Variants in EPS15 observed in about 807,000 individuals in gnomAD.
EPS15 encodes epidermal growth factor receptor pathway substrate 15.
A neutral mutation model predicts 113.8 loss-of-function variants in EPS15; 72 were observed. The observed-to-expected ratio is 0.63, with a 90% CI of 0.52 to 0.77. The LOEUF (loss-of-function observed/expected upper bound fraction) is 0.77, where lower values mean the gene tolerates loss of function less well. Among genes scored for constraint, EPS15 ranks in the 30% least tolerant of loss-of-function variants. The probability of loss-of-function intolerance (pLI) is 0.00; values close to 1 mark genes in which losing one functional copy is unlikely to be tolerated. For missense variants in EPS15, 1,048 were observed against 1,045.8 expected (o/e 1.00, Z -0.03); for synonymous variants, 344 against 363.4 (o/e 0.95, Z 0.61).
chr1:51,485,917 C>A (rs1644112756), intron 1 of EPS15, among the ~76,000 whole-genome samples: 1 of 152,006 alleles, frequency 6.6e-6, no homozygotes, highest in African/African-American at 2.4e-5. Context: ...CATGCCTCAG[C>A]CTCCCAAGTA....
chr1:51,496,467 A>G (rs1177970700), intron 1 of EPS15, among the ~76,000 whole-genome samples: 2 of 152,204 alleles, frequency 1.3e-5, no homozygotes, highest in Non-Finnish European at 2.9e-5. Flanking sequence ...AAGCATTACC[A>G]AAATGAATAG....
chr1:51,518,936 G>A (rs1005227027), intron 1 of EPS15, among the ~76,000 whole-genome samples: 2 of 151,340 alleles, frequency 1.3e-5, no homozygotes, highest in African/African-American at 4.8e-5. Flanking sequence ...CGGCAGCGGC[G>A]CGGAGGGCGG....
At chr1:51,414,055 C>T (rs1363735943) in intron 13 of EPS15, among the ~76,000 whole-genome samples, 1 of 151,924 alleles carries the variant, frequency 6.6e-6, no homozygotes, top group African/African-American at 2.4e-5. Flanking sequence ...TGGTCTAGTT[C>T]AGCTATAAAA....
At chr1:51,419,037 G>C (rs1303871465) in intron 13 of EPS15, among the ~76,000 whole-genome samples, 1 of 152,062 alleles carries the variant, frequency 6.6e-6, no homozygotes, top group Non-Finnish European at 1.5e-5. Context: ...TCATACATAG[G>C]CAATTCTTTA....
intron 2 of EPS15, among the ~76,000 whole-genome samples, chr1:51,475,776 T>A (rs568019617): frequency 5.3e-4 from 81 of 152,324 alleles, no homozygotes; most frequent in African/African-American, 1.8e-3. Context: ...CTGAATGGTA[T>A]TGCCTAGGTT....
chr1:51,435,181 T>C (rs1652046072), intron 12 of EPS15, among the ~76,000 whole-genome samples: 1 of 151,878 alleles, frequency 6.6e-6, no homozygotes. Flanking sequence ...TCCTTTTCTT[T>C]TTCTTTTTTC....
chr1:51,499,898 TC>T (rs369043216), intron 1 of EPS15, among the ~76,000 whole-genome samples: 1 of 152,340 alleles, frequency 6.6e-6, no homozygotes, highest in African/African-American at 2.4e-5. Context: ...ACTATCCATT[TC>T]CACAACTTTT....
chr1:51,422,470 A>G lies in EPS15; in HGVS notation c.1041-612T>C, dbSNP rs141103298. ...ATATCAAATCCAATTGATCAAATAT[A>G]CAAACAGTATATATAAAGTAAAAAA... On this transcript the variant is annotated intron_variant, in intron 12 of 24. Coordinates refer to ENST00000371733, the MANE Select transcript of EPS15 (RefSeq NM_001981.3). 3.8e-3 allele frequency among the ~76,000 whole-genome samples: 586 copies of G among 152,372 alleles called. 1 individual carries two copies. The highest frequency in any genetic ancestry group is 6.2e-3 in the Non-Finnish European group (424 of 68,036).
chr1:51,468,399 A>T, intron 5 of EPS15, 74 bp downstream of exon 5: 1 of 1,093,420 alleles, frequency 9.1e-7, no homozygotes, highest in Non-Finnish European at 1.4e-6. Flanking sequence ...TTAATATATT[A>T]CTTTTAATTT....
At position 51,381,471 on chromosome 1, in the gene EPS15, T is replaced by C. The variant is rs556932517; in HGVS notation, c.2119+12910A>G. On this transcript the variant is annotated intron_variant, in intron 21 of 24. Coordinates refer to ENST00000371733, the MANE Select transcript of EPS15 (RefSeq NM_001981.3). ...ACACGGGCGTGGTGGTGGGCGCCTA[T>C]AGTCCCAGCTACTTGTGAGGCTGAG... Among the ~76,000 whole-genome samples the C allele has an allele frequency of 1.3e-4, 20 of 152,158 alleles. No individual in the cohort carries two copies. In the South Asian group the frequency reaches 3.1e-3, roughly 24 times the overall value.
intron 1 of EPS15, among the ~76,000 whole-genome samples, chr1:51,513,105 A>T (rs1644655092): frequency 6.6e-6 from 1 of 152,142 alleles, no homozygotes; most frequent in African/African-American, 2.4e-5. Context: ...CACTGGAATT[A>T]TAGGCCTGAG....
chr1:51,504,152 C>T (rs28760030), intron 1 of EPS15, among the ~76,000 whole-genome samples: 9,556 of 152,196 alleles, frequency 0.063, 526 homozygotes, highest in African/African-American at 0.15. Flanking sequence ...CTTATGTCAG[C>T]CTGTAATCCC....
At position 51,365,942 on chromosome 1, in the gene EPS15, C is replaced by T. The variant is rs762733771; in HGVS notation, c.2196+11G>A. ...GTATGTTTTCCCTTCCCATTAATTA[C>T]TGTAGATTACCTTTGACAATGTGCT... On this transcript the variant is annotated intron_variant, in intron 22 of 24. Coordinates refer to ENST00000371733, the MANE Select transcript of EPS15 (RefSeq NM_001981.3). 1.3e-6 allele frequency: 2 copies of T among 1,570,008 alleles called. No homozygotes were observed. Among genetic ancestry groups the T allele is most frequent in the East Asian group, 2.3e-5 (1 of 44,344 alleles).
intron 12 of EPS15, among the ~76,000 whole-genome samples, chr1:51,439,551 T>C (rs979011511): frequency 1.3e-5 from 2 of 152,120 alleles, no homozygotes; most frequent in African/African-American, 2.4e-5. Flanking sequence ...ATCTCACTTT[T>C]AAAAAGTAAT....
intron 14 of EPS15, among the ~76,000 whole-genome samples, chr1:51,409,325 G>A (rs895470671): frequency 2.0e-5 from 3 of 152,118 alleles, no homozygotes; most frequent in Non-Finnish European, 4.4e-5. Flanking sequence ...CAAAAATTTG[G>A]AAAAACAGTT....
intron 11 of EPS15, among the ~76,000 whole-genome samples, chr1:51,442,244 T>C (rs1043376437): frequency 3.3e-5 from 5 of 152,108 alleles, no homozygotes; most frequent in Non-Finnish European, 5.9e-5. Flanking sequence ...CTAAACAAAA[T>C]GAAACATTAG....
intron 13 of EPS15, among the ~76,000 whole-genome samples, chr1:51,413,441 AT>A (rs1397643811): frequency 6.6e-6 from 1 of 152,214 alleles, no homozygotes; most frequent in African/African-American, 2.4e-5. Context: ...TAATTAAGCA[AT>A]TACTGTAACT....
chr1:51,397,920 A>AT (rs1480411336), intron 20 of EPS15, among the ~76,000 whole-genome samples: 7 of 152,222 alleles, frequency 4.6e-5, no homozygotes. Flanking sequence ...CAAAATACAA[A>AT]TTAAAAAGCA....
chr1:51,497,308 A>C (rs1296495141), intron 1 of EPS15, among the ~76,000 whole-genome samples: 8 of 152,262 alleles, frequency 5.3e-5, no homozygotes. Flanking sequence ...CATTTTAAGA[A>C]GCAGAAAAAT....
Sources: gnomAD v4.1 joint callset for allele counts (sites outside exome capture counted in the v4.1 genomes callset) on GRCh38, gnomAD v4.1.1 for gene constraint, MANE v1.5 for transcripts, NCBI Gene and HGNC (gene_info 2026-07-23, HGNC 2026-07-21) for gene names.